TYW1: variants seen among roughly 807,000 people sequenced by gnomAD.
The protein encoded by TYW1 is S-adenosyl-L-methionine-dependent tRNA 4-demethylwyosine synthase TYW1.
Under a neutral mutation model 96.2 loss-of-function variants are expected in TYW1, and 46 were observed. The observed-to-expected ratio is 0.48, with a 90% CI of 0.38 to 0.61. The LOEUF is 0.61. Among genes scored for constraint, TYW1 ranks in the 20% least tolerant of loss-of-function variants. The pLI is 0.00. For missense variants in TYW1, 684 were observed against 909.6 expected, an observed-to-expected ratio of 0.75 and a Z score of 3.19; for synonymous variants, 274 against 323.0, an observed-to-expected ratio of 0.85 and a Z score of 1.63.
intron 13 of TYW1, among the ~76,000 whole-genome samples, chr7:67,158,473 C>G (rs908252489): frequency 6.6e-6 from 1 of 152,154 alleles, no homozygotes; most frequent in Non-Finnish European, 1.5e-5. Flanking sequence ...TTTTTCTGTA[C>G]TAGCCTGCCA....
Position 67,098,711 on chromosome 7 carries a change from G to A in TYW1, c.1555G>A (p.Glu519Lys). ...FLVTNAQFPA[E>K]IRNLEPVTQL... Reference sequence around the variant, plus strand: ...GGTCACAAACGCACAATTTCCTGCGGAAATCAGGTGAGTTCTCCAGCCTAT... The same window carrying A: ...GGTCACAAACGCACAATTTCCTGCGAAAATCAGGTGAGTTCTCCAGCCTAT... The change falls in exon 12 of 16, where the codon GAA (glutamate) becomes AAA (lysine). Residue 519 changes from glutamate to lysine, a missense_variant. Coordinates refer to ENST00000359626, the MANE Select transcript of TYW1 (RefSeq NM_018264.4). 2 of 1,613,438 alleles carry A rather than the reference G, an allele frequency of 1.2e-6. No homozygotes were observed. Among genetic ancestry groups the A allele is most frequent in the Non-Finnish European group, 1.7e-6 (2 of 1,179,600 alleles).
chr7:67,032,736 T>G (rs1460516226), intron 7 of TYW1, among the ~76,000 whole-genome samples: 1 of 152,178 alleles, frequency 6.6e-6, no homozygotes, highest in Non-Finnish European at 1.5e-5. Flanking sequence ...AGGGAATGTT[T>G]TCATGGCTTC....
chr7:67,150,150 G>A (rs968245733), intron 13 of TYW1, among the ~76,000 whole-genome samples: 8 of 152,056 alleles, frequency 5.3e-5, no homozygotes, highest in African/African-American at 1.7e-4. Context: ...TCCTCCTAGC[G>A]TAAAGGCAGT....
intron 10 of TYW1, among the ~76,000 whole-genome samples, chr7:67,078,604 C>T (rs1439837555): frequency 6.6e-6 from 1 of 152,168 alleles, no homozygotes; most frequent in Non-Finnish European, 1.5e-5. Flanking sequence ...TATATTTATT[C>T]TTCCAACCCA....
At chr7:67,237,150 C>T (rs71563196) in intron 15 of TYW1, among the ~76,000 whole-genome samples, 40,922 of 152,052 alleles carry the variant, frequency 0.27, 5,866 homozygotes, top group African/African-American at 0.36. Flanking sequence ...CCTTTGAAAG[C>T]GCTGGGATGA....
At chr7:67,015,168 A>AT in intron 5 of TYW1, among the ~76,000 whole-genome samples, 1 of 151,046 alleles carries the variant, frequency 6.6e-6, no homozygotes, top group African/African-American at 2.4e-5. Flanking sequence ...TGCCTGGCTA[A>AT]TTTTTTTGCA....
intron 13 of TYW1, among the ~76,000 whole-genome samples, chr7:67,178,806 G>A (rs1256177989): frequency 6.7e-6 from 1 of 149,552 alleles, no homozygotes; most frequent in Non-Finnish European, 1.5e-5. Flanking sequence ...AGGAGCAGAA[G>A]GGTGTCTGGG....
At chr7:67,167,462 CTG>C (rs1333543604) in intron 13 of TYW1, among the ~76,000 whole-genome samples, 165 of 80,924 alleles carry the variant, frequency 2.0e-3, no homozygotes, top group African/African-American at 8.8e-3. Context: ...GAGAGAGACT[CTG>C]TCTCAAAAAA....
chr7:67,113,454 C>T (rs1011754845), intron 12 of TYW1, among the ~76,000 whole-genome samples: 1 of 152,150 alleles, frequency 6.6e-6, no homozygotes, highest in Non-Finnish European at 1.5e-5. Flanking sequence ...CATCCGTATT[C>T]TCTTGGATTT....
At chr7:67,053,034 C>T (rs1795407393) in intron 8 of TYW1, among the ~76,000 whole-genome samples, 1 of 151,400 alleles carries the variant, frequency 6.6e-6, no homozygotes, top group African/African-American at 2.4e-5. Flanking sequence ...AGCCACGGTG[C>T]CTGGCCTGGA....
At chr7:66,997,371 G>A (rs1438758306) in intron 1 of TYW1, among the ~76,000 whole-genome samples, 2 of 151,966 alleles carry the variant, frequency 1.3e-5, no homozygotes, top group East Asian at 3.9e-4. Context: ...TCTTTTACAA[G>A]TTTAACCGTG....
At chr7:67,022,186 T>G (rs2129245451) in intron 6 of TYW1, among the ~76,000 whole-genome samples, 1 of 152,346 alleles carries the variant, frequency 6.6e-6, no homozygotes, top group South Asian at 2.1e-4. Flanking sequence ...GTGTTGGGAT[T>G]ATAAGTGTGA....
At chr7:67,029,176 T>A (rs1307501815) in intron 7 of TYW1, among the ~76,000 whole-genome samples, 2 of 151,728 alleles carry the variant, frequency 1.3e-5, no homozygotes, top group African/African-American at 4.8e-5. Flanking sequence ...TTTTTTGTAT[T>A]TTTAGTAGAG....
At chr7:67,073,862 C>G (rs1045242932) in intron 10 of TYW1, among the ~76,000 whole-genome samples, 1 of 148,376 alleles carries the variant, frequency 6.7e-6, no homozygotes, top group African/African-American at 2.5e-5. Flanking sequence ...GCGGGCAGAT[C>G]ACGAGGTCAG....
intron 13 of TYW1, among the ~76,000 whole-genome samples, chr7:67,177,097 G>C (rs1799696973): frequency 1.3e-5 from 2 of 152,186 alleles, no homozygotes; most frequent in South Asian, 4.1e-4. Flanking sequence ...GAACAGAATA[G>C]AAAAAACCAG....
At chr7:67,165,930 A>AAAAAT (rs775668032) in intron 13 of TYW1, among the ~76,000 whole-genome samples, 127 of 152,052 alleles carry the variant, frequency 8.4e-4, no homozygotes, top group African/African-American at 2.8e-3. Context: ...ACCCTGTCTC[A>AAAAAT]AAAATAAAAT....
intron 6 of TYW1, among the ~76,000 whole-genome samples, chr7:67,019,452 C>T (rs1438946905): frequency 1.3e-5 from 2 of 152,210 alleles, no homozygotes; most frequent in Non-Finnish European, 2.9e-5. Context: ...CCCGCCTCGG[C>T]CTCCCAAAGT....
chr7:67,068,354 G>T (rs940247918), intron 10 of TYW1, among the ~76,000 whole-genome samples: 1 of 152,124 alleles, frequency 6.6e-6, no homozygotes, highest in Non-Finnish European at 1.5e-5. Flanking sequence ...ACTTAGAACT[G>T]CTTACTCTTC....
intron 15 of TYW1, among the ~76,000 whole-genome samples, chr7:67,202,496 C>A (rs556400321): frequency 6.6e-6 from 1 of 152,116 alleles, no homozygotes; most frequent in Non-Finnish European, 1.5e-5. Flanking sequence ...TCCCAGGCTC[C>A]AGCAGTCCTC....
Sources: allele counts gnomAD v4.1 joint callset (sites outside exome capture counted in the v4.1 genomes callset), GRCh38; gene constraint gnomAD v4.1.1; transcripts MANE v1.5; gene names NCBI Gene and HGNC (gene_info 2026-07-23, HGNC 2026-07-21).